Variants in NDUFAF6 observed in about 807,000 individuals in gnomAD.
NDUFAF6 encodes the protein NADH dehydrogenase (ubiquinone) complex I, assembly factor 6.
NDUFAF6 carries 45 observed loss-of-function variants against 40.8 expected under a neutral mutation model. The observed-to-expected ratio is 1.10, with a 90% CI of 0.87 to 1.42. The LOEUF (loss-of-function observed/expected upper bound fraction) is 1.42, where lower values mean the gene tolerates loss of function less well. Among genes scored for constraint, NDUFAF6 ranks in the 40% most tolerant of loss-of-function variants. The pLI is 0.00. For synonymous variants in NDUFAF6, 185 were observed against 155.9 expected (o/e 1.19, Z -1.39); for missense variants, 435 against 418.5 (o/e 1.04, Z -0.34).
At chr8:95,026,951 C>T (rs553081698) in intron 1 of NDUFAF6, among the ~76,000 whole-genome samples, 18 of 150,794 alleles carry the variant, frequency 1.2e-4, no homozygotes, top group Admixed American at 2.6e-4. Flanking sequence ...GAGGCTGAGG[C>T]GGGAGGATCA....
At chr8:94,905,348 C>T (rs1199741421) in intron 1 of NDUFAF6, among the ~76,000 whole-genome samples, 13 of 146,378 alleles carry the variant, frequency 8.9e-5, no homozygotes, top group Admixed American at 2.1e-4. Flanking sequence ...TATTTTTTGA[C>T]GGGTCGGATT....
chr8:94,931,898 G>A (rs1048683625), intron 1 of NDUFAF6, among the ~76,000 whole-genome samples: 2 of 152,114 alleles, frequency 1.3e-5, no homozygotes, highest in Non-Finnish European at 2.9e-5. Flanking sequence ...CTTGAATCTG[G>A]GGGGTGGAGG....
At chr8:95,116,246 TAA>T (rs1297718687) in intron 5 of NDUFAF6, 3 of 151,424 alleles carry the variant, frequency 2.0e-5, no homozygotes, top group African/African-American at 7.3e-5. Flanking sequence ...TCTCAGTTTT[TAA>T]AGTTTTTTTT....
chr8:95,036,157 A>T (rs556599258), intron 3 of NDUFAF6: 1 of 479,018 alleles, frequency 2.1e-6, no homozygotes, highest in South Asian at 2.4e-5. Context: ...CTAGATATAT[A>T]CCATAAATGG....
intron 1 of NDUFAF6, among the ~76,000 whole-genome samples, chr8:94,959,667 A>G (rs1823400412): frequency 6.6e-6 from 1 of 151,770 alleles, no homozygotes; most frequent in Non-Finnish European, 1.5e-5. Flanking sequence ...AGTAGTTGGG[A>G]CTACAGGTGC....
upstream of NDUFAF6, among the ~76,000 whole-genome samples, chr8:94,956,879 A>G (rs1352409756): frequency 1.3e-5 from 2 of 152,120 alleles, no homozygotes. Context: ...ATACTATTAA[A>G]GGGAATGGGG....
chr8:94,980,884 T>A, exon 2 of NDUFAF6: 1 of 455,858 alleles, frequency 2.2e-6, no homozygotes, highest in South Asian at 1.6e-5. Flanking sequence ...CCATGAAGTG[T>A]CTGGAGCTCC....
chr8:94,989,743 A>C (rs1826111734), intron 2 of NDUFAF6, among the ~76,000 whole-genome samples: 1 of 152,110 alleles, frequency 6.6e-6, no homozygotes, highest in African/African-American at 2.4e-5. Flanking sequence ...ATTCTCTTTC[A>C]CGTGTTGCAC....
intron 1 of NDUFAF6, among the ~76,000 whole-genome samples, chr8:94,977,140 GA>G (rs999161388): frequency 0.054 from 3,629 of 66,934 alleles, 58 homozygotes; most frequent in African/African-American, 0.12. Context: ...CCCTGACTCA[GA>G]AAAAAAAAAA....
chr8:94,901,884 CT>C (rs1216287455), intron 1 of NDUFAF6, among the ~76,000 whole-genome samples: 1 of 152,114 alleles, frequency 6.6e-6, no homozygotes, highest in Non-Finnish European at 1.5e-5. Context: ...TGTGCCCAGC[CT>C]TTTACGAAAA....
At chr8:95,029,857 A>G (rs2131751690) in intron 1 of NDUFAF6, among the ~76,000 whole-genome samples, 1 of 152,250 alleles carries the variant, frequency 6.6e-6, no homozygotes, top group East Asian at 1.9e-4. Flanking sequence ...TATGATGTTA[A>G]CCTCTTACTA....
In NDUFAF6 at chr8:94,934,878, T is replaced by C. The variant is rs115020244; in HGVS notation, c.-935-10605T>C. ...GCACTGAATAAAGTGCCAGTTAAAG[T>C]AACATTCCCCACCCATGACCTTACC... On this transcript the variant is annotated intron_variant, in intron 1 of 14. Coordinates refer to the NDUFAF6 transcript ENST00000396113. Among the ~76,000 whole-genome samples the C allele has an allele frequency of 1.7e-3, 252 of 152,298 alleles. 1 individual carries two copies. Among genetic ancestry groups the C allele is most frequent in the African/African-American group, 5.7e-3 (238 of 41,560 alleles).
At chr8:94,979,640 T>C (rs1330127583) in intron 1 of NDUFAF6, among the ~76,000 whole-genome samples, 1 of 152,230 alleles carries the variant, frequency 6.6e-6, no homozygotes, top group African/African-American at 2.4e-5. Flanking sequence ...TAATATTTTT[T>C]CAAGTGTTTT....
intron 1 of NDUFAF6, among the ~76,000 whole-genome samples, chr8:94,933,690 G>T (rs983613767): frequency 6.6e-6 from 1 of 151,818 alleles, no homozygotes; most frequent in Non-Finnish European, 1.5e-5. Context: ...GCTTGAATCT[G>T]GGAGGCAGAG....
At chr8:95,076,873 C>A (rs1394247692), downstream of NDUFAF6, among the ~76,000 whole-genome samples, 199 of 128,900 alleles carry the variant, frequency 1.5e-3, no homozygotes, top group Middle Eastern at 4.0e-3. Context: ...AACTCCGTCT[C>A]AAAAAAAAAA....
At chr8:95,074,832 A>G (rs1385897680) in intron 9 of NDUFAF6, among the ~76,000 whole-genome samples, 8 of 152,158 alleles carry the variant, frequency 5.3e-5, no homozygotes, top group Non-Finnish European at 2.9e-5. Context: ...CCTTCCAGCG[A>G]TCCCACCTGC....
chr8:95,047,544 C>T (rs1830928726), intron 6 of NDUFAF6, among the ~76,000 whole-genome samples: 1 of 129,822 alleles, frequency 7.7e-6, no homozygotes, highest in Non-Finnish European at 1.6e-5. Flanking sequence ...AAGTCTTGCT[C>T]TGTCACCCAG....
intron 3 of NDUFAF6, chr8:95,036,409 C>T (rs1310772762): frequency 9.3e-6 from 12 of 1,289,282 alleles, no homozygotes; most frequent in Non-Finnish European, 1.1e-5. Context: ...TTTCTGGGCC[C>T]CAGATTGACT....
chr8:95,046,944 T>C (rs1156557342), intron 5 of NDUFAF6, 50 bp from the exon 6 acceptor site: 1 of 1,610,690 alleles, frequency 6.2e-7, no homozygotes. Context: ...TTCTATTGAT[T>C]TATTATGCAC....
Sources: allele counts gnomAD v4.1 joint callset (sites outside exome capture counted in the v4.1 genomes callset), GRCh38; gene constraint gnomAD v4.1.1; transcripts MANE v1.5; gene names NCBI Gene and HGNC (gene_info 2026-07-23, HGNC 2026-07-21).